XYLT1: variants seen among roughly 807,000 people sequenced by gnomAD.
XYLT1 encodes the protein xylosyltransferase 1.
Under a neutral mutation model 91.3 loss-of-function variants are expected in XYLT1, and 36 were observed. That is an observed-to-expected ratio of 0.39 (90% confidence interval 0.30 to 0.52). The LOEUF (loss-of-function observed/expected upper bound fraction) is 0.52. XYLT1 is among the 20% of genes least tolerant of loss of function. The pLI, the probability that XYLT1 is intolerant of heterozygous loss-of-function variation, is 0.68. For missense variants in XYLT1, 1,242 were observed against 1,284.5 expected (o/e 0.97, Z 0.51); for synonymous variants, 588 against 532.0 (o/e 1.11, Z -1.45).
At chr16:17,161,525 T>C (rs1201932207) in intron 5 of XYLT1, among the ~76,000 whole-genome samples, 1 of 152,164 alleles carries the variant, frequency 6.6e-6, no homozygotes, top group East Asian at 1.9e-4. Context: ...CCAGTCCTTC[T>C]CCAAAGGGAG....
intron 2 of XYLT1, among the ~76,000 whole-genome samples, chr16:17,282,964 C>CG (rs2034079631): frequency 6.6e-6 from 1 of 151,896 alleles, no homozygotes; most frequent in Non-Finnish European, 1.5e-5. Context: ...TAAGTCACCC[C>CG]CCCCAAGTCA....
intron 3 of XYLT1, among the ~76,000 whole-genome samples, chr16:17,244,115 C>A (rs1204201962): frequency 1.3e-5 from 2 of 152,148 alleles, no homozygotes; most frequent in African/African-American, 4.8e-5. Context: ...TTGCAAACCA[C>A]TGAATCAGGG....
At chr16:17,448,711 AGGAGGAAGAGG>A (rs2036625865) in intron 1 of XYLT1, among the ~76,000 whole-genome samples, 1 of 108,222 alleles carries the variant, frequency 9.2e-6, no homozygotes, top group African/African-American at 3.4e-5. Flanking sequence ...AAGAGGGGGG[AGGAGGAAGAGG>A]GGGAAGGGGA....
chr16:17,436,150 C>T lies in XYLT1; in HGVS notation c.363+34284G>A, dbSNP rs140018171. Among the ~76,000 whole-genome samples the T allele has an allele frequency of 8.1e-3, 1,238 of 152,310 alleles. 11 individuals carry two copies. The highest frequency in any genetic ancestry group is 0.034 in the Middle Eastern group (10 of 294). ...GTAAGACATGACTTTGCTCCTCGTT[C>T]GCCTTCTGCCATGATTGTGCGGCCT... On this transcript the variant is annotated intron_variant, in intron 1 of 11. Coordinates refer to ENST00000261381, the MANE Select transcript of XYLT1 (RefSeq NM_022166.4).
chr16:17,157,986 A>G (rs745637196), intron 6 of XYLT1, among the ~76,000 whole-genome samples: 13 of 151,980 alleles, frequency 8.6e-5, no homozygotes, highest in Non-Finnish European at 2.9e-5. Flanking sequence ...TGACCTCATG[A>G]TCTGCCCGCC....
intron 2 of XYLT1, 86 bp from the exon 3 acceptor site, chr16:17,259,584 G>A (rs2033691983): frequency 1.2e-5 from 18 of 1,485,168 alleles, no homozygotes; most frequent in Non-Finnish European, 1.6e-5. Context: ...GAGTCATACG[G>A]ACTTGGAAGC....
Position 17,127,655 on chromosome 16 carries a change from T to C in XYLT1, c.2223+11A>G, listed in dbSNP as rs372657975. ...AAATACAATGAAATGTGACAAGACC[T>C]GGCCTCTTACCTCGGAAAACTGAAG... On this transcript the variant is annotated intron_variant, in intron 10 of 11. Coordinates refer to ENST00000261381, the MANE Select transcript of XYLT1 (RefSeq NM_022166.4). 13 of 1,612,094 alleles carry C rather than the reference T, an allele frequency of 8.1e-6. No homozygotes were observed. In the African/African-American group the frequency reaches 1.6e-4, roughly 20 times the overall value.
chr16:17,250,364 GT>G (rs2033517743), intron 3 of XYLT1: 1 of 152,218 alleles, frequency 6.6e-6, no homozygotes, highest in South Asian at 2.1e-4. Context: ...TTCACAACAA[GT>G]GAAAATTATG....
At chr16:17,206,831 G>C (rs2032656268) in intron 3 of XYLT1, among the ~76,000 whole-genome samples, 1 of 152,176 alleles carries the variant, frequency 6.6e-6, no homozygotes, top group African/African-American at 2.4e-5. Flanking sequence ...GGTCTCAGGA[G>C]GCAGGTGCCA....
At chr16:17,377,629 C>G (rs1176488520) in intron 1 of XYLT1, among the ~76,000 whole-genome samples, 46 of 152,114 alleles carry the variant, frequency 3.0e-4, no homozygotes, top group Admixed American at 3.0e-3. Context: ...GCTATGATCC[C>G]ATCCATTCAG....
At position 17,108,126 on chromosome 16, in the gene XYLT1, G is replaced by C. The variant is rs1468334817; in HGVS notation, c.*569C>G. Reference sequence around the variant, plus strand: ...GAGAAGCAGAAAAATGAACCAAAGGGCAGGGCTGGAGTTTGAACCCATGGT... The same window carrying C: ...GAGAAGCAGAAAAATGAACCAAAGGCCAGGGCTGGAGTTTGAACCCATGGT... On this transcript the variant is annotated 3_prime_UTR_variant, in exon 12 of 12. Transcript: ENST00000261381. 6.5e-6 allele frequency: 1 copy of C among 152,826 alleles called. No homozygotes were observed. Among genetic ancestry groups the C allele is most frequent in the Non-Finnish European group, 1.5e-5 (1 of 68,176 alleles). 9.5% of individuals were successfully genotyped at this position (152,826 alleles called of 1,614,324 possible). A position where few individuals can be genotyped will look rare whatever the true frequency, so the allele number is the denominator to read the frequency against.
chr16:17,182,522 A>T (rs1016901338), intron 5 of XYLT1, among the ~76,000 whole-genome samples: 2 of 152,124 alleles, frequency 1.3e-5, no homozygotes, highest in African/African-American at 4.8e-5. Flanking sequence ...TTCGACATAT[A>T]AATTTTAGTG....
chr16:17,342,837 C>T (rs920102902), intron 2 of XYLT1, among the ~76,000 whole-genome samples: 2 of 152,056 alleles, frequency 1.3e-5, no homozygotes, highest in Non-Finnish European at 2.9e-5. Flanking sequence ...GTATCCAGAA[C>T]GTAGTAGGCA....
chr16:17,187,728 C>G (rs781511399), intron 5 of XYLT1, among the ~76,000 whole-genome samples: 11 of 151,792 alleles, frequency 7.2e-5, no homozygotes, highest in Non-Finnish European at 1.6e-4. Context: ...CCACTGCAAC[C>G]TCCGCCTCCC....
In XYLT1 at chr16:17,142,429, T is replaced by TA. The variant is rs372039354; in HGVS notation, c.1371-1061dup. 2.8e-3 allele frequency among the ~76,000 whole-genome samples: 341 copies of TA among 120,460 alleles called. 1 individual carries two copies. The highest frequency in any genetic ancestry group is 4.8e-3 in the Non-Finnish European group (268 of 56,068). The allele number at this position is 120,460 out of a possible 152,430, so 79.0% of individuals were successfully genotyped here. ...ATCATGGCAGGTCTATTAAATCCTG[T>TA]AATTTTTTTTTTTTTTTTTTTTGAG... On this transcript the variant is annotated intron_variant, in intron 6 of 11. Transcript: ENST00000261381.
chr16:17,386,383 G>A (rs976567021), intron 1 of XYLT1, among the ~76,000 whole-genome samples: 49 of 152,112 alleles, frequency 3.2e-4, no homozygotes, highest in African/African-American at 1.1e-3. Context: ...AGCTGGAGGC[G>A]GGGAGGTTAT....
rs114794943 is a variant in XYLT1, at chr16:17,188,882, A to C, written c.1289+9330T>G. ...GGGACTGCTGTGTGCAACTTCACAC[A>C]GCTAGTAAATAAAGAAGCTGCGATT... On this transcript the variant is annotated intron_variant, in intron 5 of 11. Transcript: ENST00000261381. Among the ~76,000 whole-genome samples the C allele has an allele frequency of 3.2e-3, 492 of 152,340 alleles. 4 individuals carry two copies. The highest frequency in any genetic ancestry group is 0.011 in the African/African-American group (478 of 41,582).
chr16:17,128,987 A>G (rs1303096284), intron 9 of XYLT1, among the ~76,000 whole-genome samples: 2 of 149,054 alleles, frequency 1.3e-5, no homozygotes, highest in African/African-American at 2.5e-5. Flanking sequence ...ATGTCCAATT[A>G]TAACAGTTAG....
intron 1 of XYLT1, among the ~76,000 whole-genome samples, chr16:17,393,567 G>A (rs2035846950): frequency 6.6e-6 from 1 of 151,988 alleles, no homozygotes; most frequent in South Asian, 2.1e-4. Flanking sequence ...ATATCTCAAT[G>A]TAGATGCTAA....
Sources: allele counts gnomAD v4.1 joint callset (sites outside exome capture counted in the v4.1 genomes callset), GRCh38; gene constraint gnomAD v4.1.1; transcripts MANE v1.5; gene names NCBI Gene and HGNC (gene_info 2026-07-23, HGNC 2026-07-21).